The following AGMO variants were observed in gnomAD, a reference collection of about 807,000 sequenced individuals.
AGMO encodes the protein alkylglycerol monooxygenase, also known as glyceryl-ether monooxygenase.
AGMO carries 75 observed loss-of-function variants against 60.2 expected under a neutral mutation model. That is an observed-to-expected ratio of 1.25 (90% CI 1.03 to 1.51). AGMO has a LOEUF of 1.51. Among genes scored for constraint, AGMO ranks in the 40% most tolerant of loss-of-function variants. AGMO has a pLI of 0.00. For synonymous variants in AGMO, 261 were observed against 177.1 expected (o/e 1.47, Z -3.76); for missense variants, 763 against 525.5 (o/e 1.45, Z -4.42).
intron 3 of AGMO, among the ~76,000 whole-genome samples, chr7:15,472,285 T>C (rs1782468894): frequency 6.6e-6 from 1 of 151,906 alleles, no homozygotes; most frequent in Admixed American, 6.6e-5. Context: ...AATGAATTCA[T>C]TGAGTAGAAA....
At chr7:15,240,178 G>T (rs1782549627) in intron 12 of AGMO, among the ~76,000 whole-genome samples, 1 of 152,044 alleles carries the variant, frequency 6.6e-6, no homozygotes, top group Non-Finnish European at 1.5e-5. Flanking sequence ...TGGTGTGTTA[G>T]GTCTCTTCAT....
At chr7:15,439,548 G>A (rs374485972) in intron 3 of AGMO, among the ~76,000 whole-genome samples, 2 of 152,116 alleles carry the variant, frequency 1.3e-5, no homozygotes, top group East Asian at 3.9e-4. Context: ...AAGAAAAACA[G>A]GGCTCATATC....
the AGMO span, among the ~76,000 whole-genome samples, chr7:15,130,304 CT>C: frequency 1.2e-4 from 18 of 150,498 alleles, no homozygotes; most frequent in East Asian, 3.9e-4. Context: ...CTTACCCCAC[CT>C]TTTTTTTTCT....
intron 3 of AGMO, among the ~76,000 whole-genome samples, chr7:15,502,718 G>C (rs1783419438): frequency 6.6e-6 from 1 of 152,064 alleles, no homozygotes; most frequent in Non-Finnish European, 1.5e-5. Context: ...TAGGTATGAA[G>C]AAACAAGAAT....
At chr7:15,354,439 TACACACGTGTGTGTATAC>T (rs1563105577) in intron 12 of AGMO, among the ~76,000 whole-genome samples, 363 of 20,804 alleles carry the variant, frequency 0.017, 59 homozygotes, top group African/African-American at 0.081. Context: ...CGTGTGTGTA[TACACACGTGTGTGTATAC>T]ACACGTGTGT....
chr7:15,246,424 G>C (rs1303977545), intron 12 of AGMO, among the ~76,000 whole-genome samples: 1 of 152,062 alleles, frequency 6.6e-6, no homozygotes, highest in Non-Finnish European at 1.5e-5. Flanking sequence ...TGATAAGGTA[G>C]ATTTTTTAAA....
intron 3 of AGMO, among the ~76,000 whole-genome samples, chr7:15,501,677 T>C (rs1057298442): frequency 1.3e-5 from 2 of 151,976 alleles, no homozygotes; most frequent in Non-Finnish European, 2.9e-5. Flanking sequence ...TAGCATAGGA[T>C]TTTTTAATTT....
At chr7:15,226,011 T>C (rs960146836) in intron 12 of AGMO, among the ~76,000 whole-genome samples, 10 of 152,040 alleles carry the variant, frequency 6.6e-5, no homozygotes, top group Admixed American at 3.9e-4. Context: ...TATGATGATG[T>C]GTGGTTTCTC....
intron 12 of AGMO, among the ~76,000 whole-genome samples, chr7:15,313,398 G>T (rs142080183): frequency 6.6e-6 from 1 of 152,270 alleles, no homozygotes; most frequent in East Asian, 1.9e-4. Flanking sequence ...AGTGTTCAAA[G>T]ATTCTAAAAC....
At position 15,407,232 on chromosome 7, in the gene AGMO, C is replaced by CATATATATATATATATAT. The variant is rs60144769; in HGVS notation, c.609+11308_609+11325dup. On this transcript the variant is annotated intron_variant, in intron 5 of 12. Transcript: ENST00000342526. ...TTGAAAGGCCCCTTTCTTTGGAATA[C>CATATATATATATATATAT]ATATATATATATATATATGTATATA... Among the ~76,000 whole-genome samples the CATATATATATATATATAT allele has an allele frequency of 8.5e-3, 1,124 of 132,024 alleles. 16 individuals carry two copies. The highest frequency in any genetic ancestry group is 0.013 in the Middle Eastern group (3 of 236). 86.6% of individuals were successfully genotyped at this position (132,024 alleles called of 152,430 possible).
chr7:15,271,730 C>A (rs958504336), intron 12 of AGMO, among the ~76,000 whole-genome samples: 2 of 151,940 alleles, frequency 1.3e-5, no homozygotes, highest in Non-Finnish European at 2.9e-5. Flanking sequence ...AAAGTGGACA[C>A]TTTTTTCTTG....
At chr7:15,375,377 TC>T (rs1308845519) in intron 10 of AGMO, among the ~76,000 whole-genome samples, 1 of 146,510 alleles carries the variant, frequency 6.8e-6, no homozygotes, top group Non-Finnish European at 1.5e-5. Context: ...AGACTTTCTT[TC>T]TAAAAGGATT....
intron 3 of AGMO, among the ~76,000 whole-genome samples, chr7:15,473,465 A>G (rs1043420303): frequency 6.6e-6 from 1 of 152,058 alleles, no homozygotes; most frequent in Non-Finnish European, 1.5e-5. Context: ...TTTCAGGCCA[A>G]TATCCCTGCT....
chr7:15,538,591 C>CA (rs1326981417), intron 3 of AGMO, among the ~76,000 whole-genome samples: 2 of 151,958 alleles, frequency 1.3e-5, no homozygotes, highest in African/African-American at 4.8e-5. Context: ...CAAAGAGTTA[C>CA]AAAAATCTTA....
chr7:15,278,432 G>A (rs991440340), intron 12 of AGMO, among the ~76,000 whole-genome samples: 3 of 152,016 alleles, frequency 2.0e-5, no homozygotes, highest in African/African-American at 7.2e-5. Context: ...AGTCCTCAAG[G>A]GACTGGACTG....
chr7:15,354,795 G>A (rs1583448132), intron 12 of AGMO, among the ~76,000 whole-genome samples: 4 of 150,742 alleles, frequency 2.7e-5, no homozygotes, highest in Non-Finnish European at 3.0e-5. Context: ...TACGTTTTAC[G>A]CTATTCCCTG....
intron 3 of AGMO, among the ~76,000 whole-genome samples, chr7:15,455,945 C>T (rs1583571060): frequency 6.6e-6 from 1 of 152,094 alleles, no homozygotes; most frequent in African/African-American, 2.4e-5. Flanking sequence ...ACTGCCTTCC[C>T]TGAGGTCTCA....
intron 12 of AGMO, among the ~76,000 whole-genome samples, chr7:15,286,587 C>T (rs1025812570): frequency 3.3e-5 from 5 of 151,850 alleles, no homozygotes; most frequent in East Asian, 3.9e-4. Flanking sequence ...GATGTTTGTG[C>T]AGGTATGGTG....
chr7:15,178,362 C>T, the AGMO span, among the ~76,000 whole-genome samples: 2 of 152,144 alleles, frequency 1.3e-5, no homozygotes, highest in African/African-American at 4.8e-5. Flanking sequence ...CATTATTGCA[C>T]TGCTTTCCTG....
Sources: gnomAD v4.1 joint callset for allele counts (sites outside exome capture counted in the v4.1 genomes callset) on GRCh38, gnomAD v4.1.1 for gene constraint, MANE v1.5 for transcripts, NCBI Gene and HGNC (gene_info 2026-07-23, HGNC 2026-07-21) for gene names.